The following DKK2 variants were observed in gnomAD, a reference collection of about 807,000 sequenced individuals.
The protein encoded by DKK2 is dickkopf Wnt signaling pathway inhibitor 2.
A neutral mutation model predicts 28.1 loss-of-function variants in DKK2; 11 were observed. The ratio of observed to expected loss-of-function variants is 0.39; its 90% CI spans 0.25 to 0.65. The LOEUF is 0.65. Ranked by LOEUF, DKK2 falls within the 30% of genes least tolerant of loss-of-function variation. The probability of loss-of-function intolerance (pLI) is 0.47; values close to 1 mark genes in which losing one functional copy is unlikely to be tolerated. For missense variants in DKK2, 326 were observed against 335.5 expected (o/e 0.97, Z 0.22); for synonymous variants, 135 against 126.5 (o/e 1.07, Z -0.45).
intron 1 of DKK2, among the ~76,000 whole-genome samples, chr4:106,950,926 T>C (rs910817430): frequency 1.1e-4 from 16 of 152,214 alleles, no homozygotes; most frequent in Non-Finnish European, 2.1e-4. Context: ...TCCTCCCATA[T>C]ATTACCAGCC....
chr4:106,962,499 G>A (rs1206906197), intron 1 of DKK2, among the ~76,000 whole-genome samples: 13 of 23,910 alleles, frequency 5.4e-4, no homozygotes, highest in African/African-American at 4.8e-3. Flanking sequence ...CTATGTGTGT[G>A]TGTGTGTGTG....
At chr4:107,015,837 T>A (rs1723594425) in intron 1 of DKK2, among the ~76,000 whole-genome samples, 1 of 151,778 alleles carries the variant, frequency 6.6e-6, no homozygotes, top group Non-Finnish European at 1.5e-5. Context: ...GGTCACAGAA[T>A]GACCTGAAAT....
At chr4:106,982,007 G>C (rs1447123454) in intron 1 of DKK2, among the ~76,000 whole-genome samples, 2 of 152,006 alleles carry the variant, frequency 1.3e-5, no homozygotes, top group African/African-American at 2.4e-5. Context: ...ATAAAATACT[G>C]TCAGCAAATT....
chr4:106,975,641 T>A (rs1018781105), intron 1 of DKK2, among the ~76,000 whole-genome samples: 26 of 152,162 alleles, frequency 1.7e-4, no homozygotes, highest in African/African-American at 5.3e-4. Flanking sequence ...TCCTTCTTTA[T>A]TAGTCTGGCT....
intron 1 of DKK2, among the ~76,000 whole-genome samples, chr4:106,932,574 G>A (rs1253857695): frequency 6.6e-6 from 1 of 152,068 alleles, no homozygotes; most frequent in Non-Finnish European, 1.5e-5. Context: ...GCTCTTGATT[G>A]TTTTTGTTTG....
At position 107,019,685 on chromosome 4, in the gene DKK2, A is replaced by G. The variant is rs193032629; in HGVS notation, c.222+15685T>C. Among the ~76,000 whole-genome samples, 54 of 152,140 alleles carry G rather than the reference A, an allele frequency of 3.5e-4. No homozygotes were observed. In the East Asian group the frequency reaches 5.0e-3, roughly 14 times the overall value. On this transcript the variant is annotated intron_variant, in intron 1 of 3. Transcript: ENST00000285311. The stretch of plus-strand genomic sequence containing the variant: ...ATGACTATGATTTGGAAGTTGGTCT[A>G]TTTATCCTAATGATTTTGTTCATCA...
chr4:106,940,178 C>A (rs897629572), intron 1 of DKK2, among the ~76,000 whole-genome samples: 4 of 152,174 alleles, frequency 2.6e-5, no homozygotes, highest in African/African-American at 9.7e-5. Context: ...AGGCAACCTG[C>A]AAAATGGGAG....
At chr4:106,930,807 G>A (rs546475533) in intron 1 of DKK2, among the ~76,000 whole-genome samples, 25 of 152,254 alleles carry the variant, frequency 1.6e-4, no homozygotes, top group Admixed American at 5.9e-4. Context: ...TGAGGCTAGT[G>A]GATAGATGGA....
In DKK2 at chr4:106,943,986, A is replaced by G. The variant is rs118055818; in HGVS notation, c.223-18037T>C. ...GTTGTCTTTGCCCTTGTCACTAAAT[A>G]TATTTCTTGTTGGTGGATCATATCT... On this transcript the variant is annotated intron_variant, in intron 1 of 3. Transcript: ENST00000285311. Among the ~76,000 whole-genome samples the G allele has an allele frequency of 5.9e-3, 903 of 152,156 alleles. 48 individuals are homozygous for G. The East Asian group carries it at 0.13, about 21-fold the overall frequency.
At chr4:106,931,081 G>A (rs1276900395) in intron 1 of DKK2, among the ~76,000 whole-genome samples, 2 of 152,084 alleles carry the variant, frequency 1.3e-5, no homozygotes, top group African/African-American at 2.4e-5. Context: ...ATGTCAATCT[G>A]CCTGTGTGCT....
intron 1 of DKK2, among the ~76,000 whole-genome samples, chr4:106,967,766 T>G (rs1722803996): frequency 1.6e-5 from 2 of 127,046 alleles, no homozygotes; most frequent in African/African-American, 3.0e-5. Context: ...AGAAAGGGAA[T>G]TAGGAAAGGA....
intron 1 of DKK2, among the ~76,000 whole-genome samples, chr4:107,023,829 A>T (rs183707970): frequency 2.1e-3 from 319 of 152,250 alleles, no homozygotes; most frequent in Non-Finnish European, 3.0e-3. Context: ...ACAATAATTT[A>T]AAAAGAATCA....
chr4:106,999,211 T>C (rs1390282338), intron 1 of DKK2, among the ~76,000 whole-genome samples: 1 of 152,188 alleles, frequency 6.6e-6, no homozygotes, highest in African/African-American at 2.4e-5. Context: ...AGTATGGAAA[T>C]CATCTAGCAG....
chr4:107,023,097 C>T (rs1450387629), intron 1 of DKK2, among the ~76,000 whole-genome samples: 1 of 152,024 alleles, frequency 6.6e-6, no homozygotes, highest in African/African-American at 2.4e-5. Context: ...AGCTTATAAT[C>T]CTTGGCCTTA....
chr4:106,955,788 A>T (rs2110348293), intron 1 of DKK2, among the ~76,000 whole-genome samples: 1 of 152,316 alleles, frequency 6.6e-6, no homozygotes, highest in East Asian at 1.9e-4. Context: ...GATAAAAAAA[A>T]GAAATCCAAC....
chr4:106,999,078 G>A (rs1466626960), intron 1 of DKK2, among the ~76,000 whole-genome samples: 2 of 152,040 alleles, frequency 1.3e-5, no homozygotes, highest in African/African-American at 4.8e-5. Context: ...AAACCTTGTG[G>A]GATTAAAAAA....
Position 106,921,848 on chromosome 4 carries a change from C to A in DKK2, c.*2106G>T, listed in dbSNP as rs1249166746. 1 of 152,508 alleles carries A rather than the reference C, an allele frequency of 6.6e-6. No homozygotes were observed. Among genetic ancestry groups the A allele is most frequent in the Admixed American group, 6.6e-5 (1 of 15,240 alleles). The allele number at this position is 152,508 out of a possible 1,614,324, so 9.4% of individuals were successfully genotyped here. On this transcript the variant is annotated 3_prime_UTR_variant, in exon 4 of 4. Transcript: ENST00000285311. Reference sequence around the variant, plus strand: ...ATTTAATAGATTTTATCTTATTATACATTTTTCCTAAATTACAAAGTCAAT... The same window carrying A: ...ATTTAATAGATTTTATCTTATTATAAATTTTTCCTAAATTACAAAGTCAAT...
At chr4:106,958,296 G>A (rs1056574537) in intron 1 of DKK2, among the ~76,000 whole-genome samples, 2 of 151,554 alleles carry the variant, frequency 1.3e-5, no homozygotes, top group African/African-American at 2.4e-5. Context: ...ATGCAAACCC[G>A]AGATCTATGA....
At chr4:107,027,240 G>A (rs1723798874) in intron 1 of DKK2, among the ~76,000 whole-genome samples, 1 of 152,138 alleles carries the variant, frequency 6.6e-6, no homozygotes, top group African/African-American at 2.4e-5. Context: ...TTATTTGAAT[G>A]TGATTGTAAT....
Sources: gnomAD v4.1 joint callset for allele counts (sites outside exome capture counted in the v4.1 genomes callset) on GRCh38, gnomAD v4.1.1 for gene constraint, MANE v1.5 for transcripts, NCBI Gene and HGNC (gene_info 2026-07-23, HGNC 2026-07-21) for gene names.